IL1RAPL1: variants seen among roughly 807,000 people sequenced by gnomAD.
IL1RAPL1 encodes interleukin-1 receptor accessory protein-like 1.
IL1RAPL1 carries 3 observed loss-of-function variants against 48.4 expected under a neutral mutation model. That is an observed-to-expected ratio of 0.06 (90% CI 0.03 to 0.16). The LOEUF is 0.16. Ranked by LOEUF, IL1RAPL1 falls within the 10% of genes least tolerant of loss-of-function variation. The pLI, the probability that IL1RAPL1 is intolerant of heterozygous loss-of-function variation, is 1.00. For synonymous variants in IL1RAPL1, 185 were observed against 187.7 expected (o/e 0.99, Z 0.12); for missense variants, 349 against 530.6 (o/e 0.66, Z 3.36).
intron 5 of IL1RAPL1, among the ~76,000 whole-genome samples, chrX:29,533,547 G>A (rs969853953): frequency 7.1e-5 from 8 of 112,022 alleles, no homozygotes; most frequent in Non-Finnish European, 1.3e-4. Flanking sequence ...TAGAAATAAT[G>A]CTGCTATGAA....
At chrX:28,590,117 T>A (rs1601826888) in intron 1 of IL1RAPL1, among the ~76,000 whole-genome samples, 1 of 111,709 alleles carries the variant, frequency 9.0e-6, no homozygotes, top group East Asian at 2.8e-4. Flanking sequence ...TGATTTTTTT[T>A]AAAGAAGATA....
chrX:28,987,615 T>C (rs1014620051), intron 2 of IL1RAPL1, among the ~76,000 whole-genome samples: 2 of 111,827 alleles, frequency 1.8e-5, no homozygotes, highest in African/African-American at 6.5e-5. Flanking sequence ...GAATATAGAA[T>C]ATTACTGTTA....
chrX:29,726,073 C>G (rs1454951010), intron 6 of IL1RAPL1, among the ~76,000 whole-genome samples: 4 of 112,089 alleles, frequency 3.6e-5, no homozygotes, highest in Non-Finnish European at 5.6e-5. Context: ...TATCTGGTTA[C>G]TTTCAGACAA....
chrX:29,094,460 TAAAG>T (rs768496123), intron 2 of IL1RAPL1, among the ~76,000 whole-genome samples: 2 of 109,402 alleles, frequency 1.8e-5, no homozygotes, highest in South Asian at 3.9e-4. Context: ...TTGTTTTACT[TAAAG>T]AAACATCTAT....
intron 6 of IL1RAPL1, among the ~76,000 whole-genome samples, chrX:29,784,115 A>G (rs151062190): frequency 0.01 from 1,174 of 112,106 alleles, 11 homozygotes; most frequent in African/African-American, 0.036. Context: ...TTTACATCAG[A>G]CCACCCCAAA....
intron 1 of IL1RAPL1, among the ~76,000 whole-genome samples, chrX:28,788,397 CCTT>C (rs2147264740): frequency 9.0e-6 from 1 of 111,537 alleles, no homozygotes; most frequent in South Asian, 3.7e-4. Context: ...GGTTAGTGTC[CCTT>C]CTTATATTCC....
intron 2 of IL1RAPL1, among the ~76,000 whole-genome samples, chrX:29,072,044 C>A (rs937355766): frequency 1.8e-5 from 2 of 111,051 alleles, no homozygotes; most frequent in African/African-American, 6.6e-5. Flanking sequence ...ACTTGAGAGT[C>A]TGTTCATTAT....
intron 2 of IL1RAPL1, among the ~76,000 whole-genome samples, chrX:29,099,491 A>G (rs761611324): frequency 5.3e-5 from 6 of 112,240 alleles, no homozygotes; most frequent in Non-Finnish European, 1.1e-4. Flanking sequence ...CTAAATTTCA[A>G]AATTACAACT....
intron 1 of IL1RAPL1, among the ~76,000 whole-genome samples, chrX:28,678,756 A>G (rs1438642793): frequency 8.9e-6 from 1 of 112,242 alleles, no homozygotes; most frequent in Non-Finnish European, 1.9e-5. Context: ...AAGGGAATTT[A>G]TTAATAGTTC....
intron 2 of IL1RAPL1, among the ~76,000 whole-genome samples, chrX:28,997,496 G>A (rs1433096558): frequency 9.0e-6 from 1 of 110,858 alleles, no homozygotes; most frequent in African/African-American, 3.3e-5. Flanking sequence ...CCCCTGTCAT[G>A]TTTATCATTT....
At chrX:29,654,283 C>T (rs1925607112) in intron 5 of IL1RAPL1, among the ~76,000 whole-genome samples, 2 of 111,126 alleles carry the variant, frequency 1.8e-5, no homozygotes, top group South Asian at 7.6e-4. Context: ...TAATCATTGA[C>T]AGAGGTCAAG....
intron 6 of IL1RAPL1, among the ~76,000 whole-genome samples, chrX:29,743,469 T>C (rs185005254): frequency 6.5e-4 from 72 of 111,487 alleles, no homozygotes; most frequent in African/African-American, 2.1e-3. Flanking sequence ...ATTGATGAGA[T>C]AAAAGGTCTT....
intron 5 of IL1RAPL1, among the ~76,000 whole-genome samples, chrX:29,492,374 A>G (rs754999281): frequency 8.9e-6 from 1 of 112,217 alleles, no homozygotes; most frequent in Non-Finnish European, 1.9e-5. Context: ...TTATTATCCT[A>G]TAGTTCCATA....
At position 28,874,855 on chromosome X, in the gene IL1RAPL1, C is replaced by A. The variant is rs761760220; in HGVS notation, c.82+85430C>A. Among the ~76,000 whole-genome samples the A allele has an allele frequency of 2.7e-5, 3 of 111,916 alleles. No individual in the cohort carries two copies. In the South Asian group the frequency reaches 1.1e-3, roughly 41 times the overall value. ...CTCTAAAGAAAGAATGGGAAGAATTCAGAACAGTAATCAGTTTTAATTGAG... is the reference window on the plus strand; with the variant it reads ...CTCTAAAGAAAGAATGGGAAGAATTAAGAACAGTAATCAGTTTTAATTGAG... On this transcript the variant is annotated intron_variant, in intron 2 of 10. Coordinates refer to ENST00000378993, the MANE Select transcript of IL1RAPL1 (RefSeq NM_014271.4).
chrX:28,818,939 A>G (rs1000625578), intron 2 of IL1RAPL1, among the ~76,000 whole-genome samples: 3 of 110,764 alleles, frequency 2.7e-5, no homozygotes, highest in Non-Finnish European at 3.8e-5. Flanking sequence ...TTCCTGTGTT[A>G]TTCATATTGG....
chrX:28,769,907 A>T (rs1250027916), intron 1 of IL1RAPL1, among the ~76,000 whole-genome samples: 1 of 112,102 alleles, frequency 8.9e-6, no homozygotes. Context: ...TGTTTTATCA[A>T]AAAGATACGA....
At chrX:28,794,842 A>G (rs1383501533) in intron 2 of IL1RAPL1, among the ~76,000 whole-genome samples, 1 of 112,276 alleles carries the variant, frequency 8.9e-6, no homozygotes, top group Admixed American at 9.5e-5. Flanking sequence ...AAAAGAAATT[A>G]TACTACTGTG....
At chrX:29,941,855 TTTA>T (rs1189277677) in intron 9 of IL1RAPL1, 61 bp downstream of exon 9, 20 of 1,083,304 alleles carry the variant, frequency 1.8e-5, no homozygotes, top group African/African-American at 1.1e-4. Flanking sequence ...TTGTCTTTGT[TTTA>T]TTAAGGGGAA....
intron 1 of IL1RAPL1, among the ~76,000 whole-genome samples, chrX:28,748,234 G>A (rs191361842): frequency 4.9e-3 from 543 of 111,777 alleles, no homozygotes; most frequent in Non-Finnish European, 8.3e-3. Flanking sequence ...TTTGCTGTCC[G>A]TAAAATCAAA....
Sources: gnomAD v4.1 joint callset for allele counts (sites outside exome capture counted in the v4.1 genomes callset) on GRCh38, gnomAD v4.1.1 for gene constraint, MANE v1.5 for transcripts, NCBI Gene and HGNC (gene_info 2026-07-23, HGNC 2026-07-21) for gene names.